Variants in CARM1 observed in about 807,000 individuals in gnomAD.
CARM1 encodes coactivator associated arginine methyltransferase 1.
A neutral mutation model predicts 72.7 loss-of-function variants in CARM1; 14 were observed. That is an observed-to-expected ratio of 0.19 (90% CI 0.13 to 0.30). CARM1 has a LOEUF of 0.30. Among genes scored for constraint, CARM1 ranks in the 10% least tolerant of loss-of-function variants. The pLI is 1.00. For missense variants in CARM1, 432 were observed against 833.7 expected (o/e 0.52, Z 5.93); for synonymous variants, 333 against 345.5 (o/e 0.96, Z 0.40).
At chr19:10,879,038 C>G (rs2073883087) in intron 1 of CARM1, among the ~76,000 whole-genome samples, 1 of 152,114 alleles carries the variant, frequency 6.6e-6, no homozygotes, top group Non-Finnish European at 1.5e-5. Flanking sequence ...AACTCCTGAC[C>G]TCAGGTGATC....
intron 1 of CARM1, among the ~76,000 whole-genome samples, chr19:10,885,403 C>T (rs2073933771): frequency 1.3e-5 from 2 of 152,284 alleles, no homozygotes; most frequent in East Asian, 1.9e-4. Flanking sequence ...ATTGTGTTCT[C>T]GGAGCTGGGG....
At chr19:10,888,628 C>T (rs2073958786) in intron 1 of CARM1, among the ~76,000 whole-genome samples, 1 of 152,092 alleles carries the variant, frequency 6.6e-6, no homozygotes, top group African/African-American at 2.4e-5. Context: ...TGTGGCTTTG[C>T]ACCGCGCCCC....
intron 1 of CARM1, among the ~76,000 whole-genome samples, chr19:10,891,248 C>T (rs140201174): frequency 2.0e-4 from 30 of 152,170 alleles, no homozygotes; most frequent in African/African-American, 6.7e-4. Flanking sequence ...GTGGGTTCGT[C>T]CTCATGGCTA....
rs987963425 is a variant in CARM1, at chr19:10,896,466, C to T, written c.221-8485C>T. On this transcript the variant is annotated intron_variant, in intron 1 of 15. Transcript: ENST00000327064. This position sits in a 1 kb window ranked among gnomAD's most constrained non-coding sequence, Gnocchi z 5.2. ...CCCCATTGCCTCCTGCCTGGCCAGC[C>T]ATAGCACTTGGCTCCTTCCCTATCC... is the stretch of plus-strand genomic sequence containing the variant. Among the ~76,000 whole-genome samples the T allele has an allele frequency of 1.3e-5, 2 of 152,042 alleles. No homozygotes were observed. The highest frequency in any genetic ancestry group is 4.8e-5 in the African/African-American group (2 of 41,386).
At chr19:10,882,564 CAG>C (rs1043267898) in intron 1 of CARM1, among the ~76,000 whole-genome samples, 4 of 106,504 alleles carry the variant, frequency 3.8e-5, no homozygotes, top group Non-Finnish European at 5.5e-5. Flanking sequence ...TTTTTTGAGA[CAG>C]GGTCTCACTC....
At chr19:10,892,618 G>A (rs555396471) in intron 1 of CARM1, among the ~76,000 whole-genome samples, 5 of 152,330 alleles carry the variant, frequency 3.3e-5, no homozygotes, top group African/African-American at 9.6e-5. Context: ...TGCTGATGAT[G>A]GTAACAGCAG....
At position 10,876,122 on chromosome 19, in the gene CARM1, G is replaced by A. The variant is rs147702292; in HGVS notation, c.220+4200G>A. On this transcript the variant is annotated intron_variant, in intron 1 of 15. Coordinates refer to ENST00000327064, the MANE Select transcript of CARM1 (RefSeq NM_199141.2). ...TCGAACTCCTGACCTCAGGTGATCC[G>A]CCCACCTTGGCCTCCTAAAGTGCTG... 2.2e-3 allele frequency among the ~76,000 whole-genome samples: 338 copies of A among 151,914 alleles called. 10 individuals are homozygous for A. In the East Asian group the frequency reaches 0.054, roughly 24 times the overall value.
chr19:10,907,449 TG>T (rs2074113861), intron 2 of CARM1, among the ~76,000 whole-genome samples: 2 of 152,172 alleles, frequency 1.3e-5, no homozygotes, highest in South Asian at 4.1e-4. Flanking sequence ...TTTTTGTTTT[TG>T]TTTTTTAACG....
At chr19:10,910,379 G>A (rs771515591) in intron 4 of CARM1, among the ~76,000 whole-genome samples, 1 of 151,516 alleles carries the variant, frequency 6.6e-6, no homozygotes, top group Non-Finnish European at 1.5e-5. Context: ...TACTCAGGAG[G>A]CTGAGGCAGG....
intron 3 of CARM1, 131 bp from the exon 4 acceptor site, chr19:10,908,972 G>C: frequency 1.6e-6 from 1 of 610,534 alleles, no homozygotes; most frequent in Non-Finnish European, 2.9e-6. Flanking sequence ...TGGGGCCCAG[G>C]CAGAGGGTGC....
At chr19:10,894,882 A>G (rs907010558) in intron 1 of CARM1, among the ~76,000 whole-genome samples, 17 of 151,832 alleles carry the variant, frequency 1.1e-4, no homozygotes, top group Admixed American at 9.2e-4. Flanking sequence ...TTGGGACTAC[A>G]GGTGCGCATC....
At chr19:10,879,289 C>T (rs1367625373) in intron 1 of CARM1, among the ~76,000 whole-genome samples, 2 of 152,186 alleles carry the variant, frequency 1.3e-5, no homozygotes, top group Non-Finnish European at 2.9e-5. Context: ...CTTCAGCTTT[C>T]ATTTTGTTGG....
chr19:10,909,844 G>C (rs529611212), intron 4 of CARM1, among the ~76,000 whole-genome samples: 2 of 152,320 alleles, frequency 1.3e-5, no homozygotes, highest in East Asian at 3.9e-4. Flanking sequence ...GCCTCTATCA[G>C]TTCCCTCCAA....
Position 10,921,038 on chromosome 19 carries a change from C to T in CARM1, c.1538-12C>T. ...CTGCCTCCAGCCCTGACGTCTCCCT[C>T]TCTGGACACAGGGATGCCGACCGCC... On this transcript the variant is annotated splice_polypyrimidine_tract_variant and intron_variant, in intron 13 of 15. Coordinates refer to ENST00000327064, the MANE Select transcript of CARM1 (RefSeq NM_199141.2). 6.2e-7 allele frequency: 1 copy of T among 1,613,956 alleles called. No individual in the cohort carries two copies. Among genetic ancestry groups the T allele is most frequent in the Non-Finnish European group, 8.5e-7 (1 of 1,179,794 alleles).
At chr19:10,875,436 T>C (rs375656753) in intron 1 of CARM1, among the ~76,000 whole-genome samples, 7 of 152,162 alleles carry the variant, frequency 4.6e-5, no homozygotes, top group Admixed American at 2.6e-4. Context: ...CTTTTCTTTT[T>C]TTTTTTGAGA....
intron 1 of CARM1, among the ~76,000 whole-genome samples, chr19:10,887,646 T>G (rs1183689242): frequency 1.3e-5 from 2 of 152,214 alleles, no homozygotes; most frequent in African/African-American, 4.8e-5. Flanking sequence ...TCTTGCTTTG[T>G]CACCCAGGCT....
chr19:10,900,525 G>A lies in CARM1; in HGVS notation c.221-4426G>A, dbSNP rs187589579. Among the ~76,000 whole-genome samples the A allele has an allele frequency of 2.6e-5, 4 of 152,154 alleles. No individual in the cohort carries two copies. The East Asian group carries it at 7.7e-4, about 29-fold the overall frequency. On this transcript the variant is annotated intron_variant, in intron 1 of 15. Transcript: ENST00000327064. The stretch of plus-strand genomic sequence containing the variant: ...GGCTCAGTGCTTCCTTTATTTTTAT[G>A]GCTGAATAATGTTTCATTTTATAGA...
In CARM1 at chr19:10,871,583, A is replaced by AGCGGCGGCGGCGGCGGCG. The variant is rs1179936865; in HGVS notation, c.-115_-114insGGCGGCGGCGGCGGCGGC. The AGCGGCGGCGGCGGCGGCG allele has an allele frequency of 1.3e-4, 10 of 76,412 alleles. No homozygotes were observed. Among genetic ancestry groups the AGCGGCGGCGGCGGCGGCG allele is most frequent in the East Asian group, 9.8e-4 (2 of 2,050 alleles). The allele number at this position is 76,412 out of a possible 1,614,324, so 4.7% of individuals were successfully genotyped here. On this transcript the variant is annotated 5_prime_UTR_variant, in exon 1 of 16. Coordinates refer to ENST00000327064, the MANE Select transcript of CARM1 (RefSeq NM_199141.2). This position sits in a 1 kb window ranked among gnomAD's most constrained non-coding sequence, Gnocchi z 5.6. ...CCTGCACGGCGGCTGCGGCGGCGGT[A>AGCGGCGGCGGCGGCGGCG]GCGGCAGCGGCGGCGGCGGCGGCGG...
At chr19:10,904,339 A>G (rs1427399246) in intron 1 of CARM1, among the ~76,000 whole-genome samples, 1 of 152,204 alleles carries the variant, frequency 6.6e-6, no homozygotes, top group African/African-American at 2.4e-5. Flanking sequence ...GCTAAGTTTC[A>G]CCATTTGGCT....
Sources: allele counts gnomAD v4.1 joint callset (sites outside exome capture counted in the v4.1 genomes callset), GRCh38; gene constraint gnomAD v4.1.1; non-coding constraint Gnocchi (gnomAD v3.1); transcripts MANE v1.5; gene names NCBI Gene and HGNC (gene_info 2026-07-23, HGNC 2026-07-21).